The following NCKAP5 variants were observed in gnomAD, a reference collection of about 807,000 sequenced individuals.
The protein encoded by NCKAP5 is NCK associated protein 5, also known as nck-associated protein 5.
NCKAP5 carries 92 observed loss-of-function variants against 167.0 expected under a neutral mutation model. The ratio of observed to expected loss-of-function variants is 0.55; its 90% CI spans 0.47 to 0.66. NCKAP5 has a LOEUF of 0.66. Among genes scored for constraint, NCKAP5 ranks in the 30% least tolerant of loss-of-function variants. The pLI, the probability that NCKAP5 is intolerant of heterozygous loss-of-function variation, is 0.00. For missense variants in NCKAP5, 2,378 were observed against 2,315.0 expected (o/e 1.03, Z -0.56); for synonymous variants, 891 against 877.4 (o/e 1.02, Z -0.27).
intron 6 of NCKAP5, among the ~76,000 whole-genome samples, chr2:133,066,021 G>A (rs2080182753): frequency 6.6e-6 from 1 of 152,214 alleles, no homozygotes; most frequent in Non-Finnish European, 1.5e-5. Context: ...GAAGGAGTGT[G>A]TGAGTGTATG....
chr2:133,395,280 C>T (rs73001145), intron 3 of NCKAP5, among the ~76,000 whole-genome samples: 2,274 of 152,258 alleles, frequency 0.015, 56 homozygotes, highest in African/African-American at 0.05. Flanking sequence ...CAATGTCATC[C>T]AGAAAGTCCT....
intron 5 of NCKAP5, among the ~76,000 whole-genome samples, chr2:133,154,206 T>C (rs1339217932): frequency 3.3e-5 from 5 of 152,228 alleles, no homozygotes; most frequent in Non-Finnish European, 7.3e-5. Context: ...TTCTGTTTCC[T>C]AATCACATGC....
chr2:133,429,523 T>C (rs1291945663), intron 3 of NCKAP5, among the ~76,000 whole-genome samples: 1 of 152,156 alleles, frequency 6.6e-6, no homozygotes, highest in Non-Finnish European at 1.5e-5. Flanking sequence ...TGTATGTCTG[T>C]GTGCCCCCCA....
At chr2:132,869,549 A>C (rs936346311) in intron 9 of NCKAP5, among the ~76,000 whole-genome samples, 1 of 152,184 alleles carries the variant, frequency 6.6e-6, no homozygotes, top group Non-Finnish European at 1.5e-5. Flanking sequence ...TTACTACAAC[A>C]TCCATTTTTT....
intron 19 of NCKAP5, among the ~76,000 whole-genome samples, chr2:132,701,454 C>T (rs1007648347): frequency 2.0e-5 from 3 of 152,152 alleles, no homozygotes; most frequent in Non-Finnish European, 2.9e-5. Flanking sequence ...TGTCTCTTAG[C>T]CAGGTTCTCA....
At chr2:133,148,554 C>G (rs1218847674) in intron 5 of NCKAP5, among the ~76,000 whole-genome samples, 1 of 152,074 alleles carries the variant, frequency 6.6e-6, no homozygotes, top group Non-Finnish European at 1.5e-5. Context: ...TTAGTATGGG[C>G]TACTATAACA....
chr2:133,510,028 A>G (rs1200919260), intron 3 of NCKAP5, among the ~76,000 whole-genome samples: 3 of 152,208 alleles, frequency 2.0e-5, no homozygotes, highest in African/African-American at 7.2e-5. Context: ...AACAACCACA[A>G]TGAAGGTGGA....
At chr2:132,970,982 C>T (rs1452568379) in intron 7 of NCKAP5, among the ~76,000 whole-genome samples, 2 of 152,186 alleles carry the variant, frequency 1.3e-5, no homozygotes, top group African/African-American at 4.8e-5. Flanking sequence ...AATCAATATT[C>T]CATAAGGTTA....
intron 4 of NCKAP5, among the ~76,000 whole-genome samples, chr2:133,242,947 A>G (rs2087794450): frequency 6.6e-6 from 1 of 152,170 alleles, no homozygotes; most frequent in South Asian, 2.1e-4. Context: ...ATATACCCCA[A>G]TGTACAGTTT....
At chr2:133,278,536 G>A (rs1402223824) in intron 4 of NCKAP5, among the ~76,000 whole-genome samples, 1 of 152,090 alleles carries the variant, frequency 6.6e-6, no homozygotes, top group Non-Finnish European at 1.5e-5. Context: ...CCAGGATAAT[G>A]TCTTCAACTC....
chr2:133,152,004 G>T (rs898578163), intron 5 of NCKAP5, among the ~76,000 whole-genome samples: 2 of 152,054 alleles, frequency 1.3e-5, no homozygotes, highest in Non-Finnish European at 2.9e-5. Context: ...CATAATTGCA[G>T]AAACTTGAAA....
At chr2:133,098,877 G>A (rs772925833) in intron 6 of NCKAP5, among the ~76,000 whole-genome samples, 2 of 152,120 alleles carry the variant, frequency 1.3e-5, no homozygotes, top group Non-Finnish European at 2.9e-5. Context: ...ATTACCAAGA[G>A]CACAAGCATA....
chr2:133,585,038 AAAG>A, the NCKAP5 span, among the ~76,000 whole-genome samples: 26,101 of 150,716 alleles, frequency 0.17, 2,403 homozygotes, highest in East Asian at 0.29. Context: ...AGTAAAGAAA[AAAG>A]AGGGTAATTG....
chr2:133,614,479 G>A, the NCKAP5 span, among the ~76,000 whole-genome samples: 6 of 152,008 alleles, frequency 3.9e-5, no homozygotes, highest in African/African-American at 1.4e-4. Flanking sequence ...TGAAAACCAA[G>A]GCTCGAGAAC....
intron 3 of NCKAP5, among the ~76,000 whole-genome samples, chr2:133,406,575 T>A (rs1339544671): frequency 1.6e-5 from 2 of 126,538 alleles, no homozygotes; most frequent in Non-Finnish European, 3.2e-5. Flanking sequence ...AACAAAAAAC[T>A]TCCAGGAAGG....
rs191543200 is a variant in NCKAP5 at position 133,263,221 on chromosome 2, T to C, written c.143+39816A>G. Among the ~76,000 whole-genome samples the C allele has an allele frequency of 4.2e-3, 623 of 148,844 alleles. 2 individuals carry two copies. The highest frequency in any genetic ancestry group is 6.0e-3 in the Non-Finnish European group (405 of 67,508). On this transcript the variant is annotated intron_variant, in intron 4 of 19. Coordinates refer to ENST00000409261, the MANE Select transcript of NCKAP5 (RefSeq NM_207363.3). ...ACTAAAATGCTGTAATATTTAGGAA[T>C]GAAAATAATAACCAGGAATGCCAAA...
At chr2:132,737,176 T>A (rs1421735344) in intron 16 of NCKAP5, among the ~76,000 whole-genome samples, 1 of 152,128 alleles carries the variant, frequency 6.6e-6, no homozygotes. Context: ...ACTGGTCAAC[T>A]GAGGGCTGAA....
intron 7 of NCKAP5, among the ~76,000 whole-genome samples, chr2:132,968,871 A>G (rs1431041593): frequency 6.6e-6 from 1 of 152,196 alleles, no homozygotes; most frequent in Non-Finnish European, 1.5e-5. Flanking sequence ...CAAGATAGAA[A>G]AAAATGAGGT....
chr2:133,384,693 G>A (rs1686799348), intron 3 of NCKAP5, among the ~76,000 whole-genome samples: 1 of 152,152 alleles, frequency 6.6e-6, no homozygotes, highest in Non-Finnish European at 1.5e-5. Flanking sequence ...CATGAGCATG[G>A]AATGTTCTTC....
Sources: allele counts gnomAD v4.1 joint callset (sites outside exome capture counted in the v4.1 genomes callset), GRCh38; gene constraint gnomAD v4.1.1; transcripts MANE v1.5; gene names NCBI Gene and HGNC (gene_info 2026-07-23, HGNC 2026-07-21).